Variants in ROCK2 observed in about 807,000 individuals in gnomAD.
ROCK2 encodes Rho associated coiled-coil containing protein kinase 2, also known as rho-associated protein kinase 2.
ROCK2 carries 61 observed loss-of-function variants against 195.1 expected under a neutral mutation model. The observed-to-expected ratio is 0.31, with a 90% CI of 0.25 to 0.39. ROCK2 has a LOEUF of 0.39. Among genes scored for constraint, ROCK2 ranks in the 10% least tolerant of loss-of-function variants. The pLI is 1.00. For missense variants in ROCK2, 1,109 were observed against 1,637.4 expected (o/e 0.68, Z 5.57); for synonymous variants, 504 against 545.5 (o/e 0.92, Z 1.06).
intron 3 of ROCK2, among the ~76,000 whole-genome samples, chr2:11,281,940 T>C (rs1490245653): frequency 1.3e-5 from 2 of 152,156 alleles, no homozygotes; most frequent in Non-Finnish European, 2.9e-5. Flanking sequence ...ATAGACCAAG[T>C]TGGTCTATAT....
At chr2:11,322,299 TTAATG>T (rs1668424608) in intron 1 of ROCK2, among the ~76,000 whole-genome samples, 1 of 152,096 alleles carries the variant, frequency 6.6e-6, no homozygotes, top group Admixed American at 6.5e-5. Context: ...AATTTTCATA[TTAATG>T]TATCAGTTTT....
At position 11,181,457 on chromosome 2, in the gene ROCK2, A is replaced by C. The variant is rs1004943566; in HGVS notation, c.*1980T>G. 4 of 151,990 alleles carry C rather than the reference A, an allele frequency of 2.6e-5. No homozygotes were observed. Among genetic ancestry groups the C allele is most frequent in the Admixed American group, 2.6e-4 (4 of 15,242 alleles). The allele number at this position is 151,990 out of a possible 1,614,324, so 9.4% of individuals were successfully genotyped here. A position where few individuals can be genotyped will look rare whatever the true frequency, so the allele number is the denominator to read the frequency against. ...GCACAGACAGCACAGCAGAGTGCAG[A>C]CTGGAGAACGTTAAGAATAACAAAA... On this transcript the variant is annotated 3_prime_UTR_variant, in exon 33 of 33. Coordinates refer to ENST00000315872, the MANE Select transcript of ROCK2 (RefSeq NM_004850.5).
chr2:11,306,907 C>T (rs1016296309), intron 1 of ROCK2, among the ~76,000 whole-genome samples: 1 of 152,152 alleles, frequency 6.6e-6, no homozygotes, highest in African/African-American at 2.4e-5. Context: ...TTAACTATAG[C>T]AGACCTGCTT....
chr2:11,343,857 C>G (rs1669190613), intron 1 of ROCK2, 139 bp downstream of exon 1: 1 of 1,101,266 alleles, frequency 9.1e-7, no homozygotes, highest in Non-Finnish European at 1.2e-6. Context: ...GTTTGGTCTC[C>G]GGCCCCGGCT....
At chr2:11,341,236 C>T (rs1386671465) in intron 1 of ROCK2, among the ~76,000 whole-genome samples, 2 of 152,188 alleles carry the variant, frequency 1.3e-5, no homozygotes, top group Non-Finnish European at 2.9e-5. Flanking sequence ...CATCTTTACA[C>T]TGATTTAGTC....
Position 11,344,602 on chromosome 2 carries a change from T to A in ROCK2, c.-466A>T, listed in dbSNP as rs1455080002. The A allele has an allele frequency of 1.1e-5, 3 of 261,296 alleles. No individual in the cohort carries two copies. Among genetic ancestry groups the A allele is most frequent in the Non-Finnish European group, 1.1e-5 (2 of 177,640 alleles). The allele number at this position is 261,296 out of a possible 1,614,324, so 16.2% of individuals were successfully genotyped here. On this transcript the variant is annotated 5_prime_UTR_variant, in exon 1 of 33. Transcript: ENST00000315872. The surrounding 1 kb of genome is among the most constrained non-coding windows in gnomAD (Gnocchi z 5.4). The stretch of plus-strand genomic sequence containing the variant: ...GCCGCCTTGCAGTCCCTCAGCCAGC[T>A]CCCGGCGCACACACTCCCGCGCGGC...
At chr2:11,200,876 G>A in intron 23 of ROCK2, 81 bp downstream of exon 23, 2 of 1,217,620 alleles carry the variant, frequency 1.6e-6, no homozygotes, top group Non-Finnish European at 1.1e-6. Context: ...ATTTAGATCT[G>A]TGATACTTAG....
chr2:11,308,652 C>T (rs1667938594), intron 1 of ROCK2: 9 of 1,463,336 alleles, frequency 6.2e-6, no homozygotes, highest in South Asian at 2.3e-5. Flanking sequence ...CCTGTGGCTT[C>T]AAGAAAAGAA....
At position 11,183,611 on chromosome 2, in the gene ROCK2, A is replaced by G. The variant is rs190002111; in HGVS notation, c.4164-171T>C. Among the ~76,000 whole-genome samples the G allele has an allele frequency of 5.1e-3, 772 of 152,328 alleles. 2 individuals are homozygous for G. The highest frequency in any genetic ancestry group is 0.017 in the Middle Eastern group (5 of 294). Reference sequence around the variant, plus strand: ...ATACTTACTGTATTACTTTTCCTATAGGTACAACATGCAATTATATTCTTT... The same window carrying G: ...ATACTTACTGTATTACTTTTCCTATGGGTACAACATGCAATTATATTCTTT... On this transcript the variant is annotated intron_variant, in intron 32 of 32. Transcript: ENST00000315872.
intron 23 of ROCK2, 132 bp downstream of exon 23, chr2:11,200,825 A>T: frequency 1.4e-6 from 1 of 697,622 alleles, no homozygotes; most frequent in Non-Finnish European, 2.2e-6. Flanking sequence ...GGTGGCAGTT[A>T]ACTAGATTAA....
chr2:11,338,603 C>T (rs1027097942), intron 1 of ROCK2, among the ~76,000 whole-genome samples: 4 of 152,046 alleles, frequency 2.6e-5, no homozygotes, highest in Non-Finnish European at 4.4e-5. Context: ...GGTACGTAGG[C>T]AGACTATAAG....
At chr2:11,240,122 A>C (rs1665371491) in intron 4 of ROCK2, among the ~76,000 whole-genome samples, 1 of 152,224 alleles carries the variant, frequency 6.6e-6, no homozygotes, top group Non-Finnish European at 1.5e-5. Flanking sequence ...TTACACAGAC[A>C]TGATTAATTA....
At chr2:11,336,006 A>G (rs1008673906) in intron 1 of ROCK2, among the ~76,000 whole-genome samples, 16 of 152,352 alleles carry the variant, frequency 1.1e-4, no homozygotes, top group South Asian at 6.2e-4. Context: ...TTAAATACAT[A>G]TAAGTTAAGA....
At chr2:11,260,204 T>C (rs1268749257) in intron 3 of ROCK2, among the ~76,000 whole-genome samples, 1 of 151,084 alleles carries the variant, frequency 6.6e-6, no homozygotes, top group African/African-American at 2.5e-5. Flanking sequence ...TCCCAGCACT[T>C]TGGGAGGCTG....
At position 11,344,336 on chromosome 2, in the gene ROCK2, A is replaced by AGCCCGGCCCG. The variant is rs76229353; in HGVS notation, c.-210_-201dup. The AGCCCGGCCCG allele has an allele frequency of 2.3e-5, 26 of 1,149,272 alleles. No homozygotes were observed. The highest frequency in any genetic ancestry group is 2.0e-5 in the Non-Finnish European group (19 of 927,966). The allele number at this position is 1,149,272 out of a possible 1,614,324, so 71.2% of individuals were successfully genotyped here. On this transcript the variant is annotated 5_prime_UTR_variant, in exon 1 of 33. Coordinates refer to ENST00000315872, the MANE Select transcript of ROCK2 (RefSeq NM_004850.5). This position sits in a 1 kb window ranked among gnomAD's most constrained non-coding sequence, Gnocchi z 5.4. ...GGGCCCGCCCGGCCCAGCCCGGCCC[A>AGCCCGGCCCG]GCCCGGCCCGGCCCTGCCGGGAGCG... is the stretch of plus-strand genomic sequence containing the variant.
intron 18 of ROCK2, among the ~76,000 whole-genome samples, chr2:11,208,886 C>A (rs1004588587): frequency 6.6e-6 from 1 of 152,154 alleles, no homozygotes; most frequent in Non-Finnish European, 1.5e-5. Context: ...AGCCACTGCA[C>A]CTGGCCTTAA....
At chr2:11,340,331 G>T (rs1486471971) in intron 1 of ROCK2, among the ~76,000 whole-genome samples, 1 of 151,864 alleles carries the variant, frequency 6.6e-6, no homozygotes, top group Non-Finnish European at 1.5e-5. Context: ...TAGGTCAGAT[G>T]TTATCATCAA....
rs1667203096 is a variant in ROCK2, at chr2:11,286,655, C to A, written c.224-16G>T. ...ATTTTCTCATCTACCATAAAAAGAT[C>A]ACCATACTTATAATATCAATCATAT... On this transcript the variant is annotated splice_polypyrimidine_tract_variant and intron_variant, in intron 2 of 32. Coordinates refer to ENST00000315872, the MANE Select transcript of ROCK2 (RefSeq NM_004850.5). 8 of 1,267,712 alleles carry A rather than the reference C, an allele frequency of 6.3e-6. No individual in the cohort carries two copies. The highest frequency in any genetic ancestry group is 1.3e-5 in the South Asian group (1 of 79,100). The allele number at this position is 1,267,712 out of a possible 1,614,324, so 78.5% of individuals were successfully genotyped here. A position where few individuals can be genotyped will look rare whatever the true frequency, so the allele number is the denominator to read the frequency against.
rs182050282 is a variant in ROCK2 at position 11,310,327 on chromosome 2, A to T, written c.142-22591T>A. ...CTGTAAAGTCTTATTTACAATTTTT[A>T]AAAAAAAGGTTAAAGCAGAGTTGGG... is the stretch of plus-strand genomic sequence containing the variant. On this transcript the variant is annotated intron_variant, in intron 1 of 32. Transcript: ENST00000315872. Among the ~76,000 whole-genome samples, 179 of 152,058 alleles carry T rather than the reference A, an allele frequency of 1.2e-3. 1 individual carries two copies. The highest frequency in any genetic ancestry group is 6.8e-3 in the Middle Eastern group (2 of 294).
Sources: allele counts gnomAD v4.1 joint callset (sites outside exome capture counted in the v4.1 genomes callset), GRCh38; gene constraint gnomAD v4.1.1; non-coding constraint Gnocchi (gnomAD v3.1); transcripts MANE v1.5; gene names NCBI Gene and HGNC (gene_info 2026-07-23, HGNC 2026-07-21).